The following CEP128 variants were observed in gnomAD, a reference collection of about 807,000 sequenced individuals.
CEP128 encodes the protein centrosomal protein 128kDa.
In CEP128, 132 loss-of-function variants were observed where a neutral mutation model predicts 156.7. That is an observed-to-expected ratio of 0.84 (90% CI 0.73 to 0.97). CEP128 has a LOEUF of 0.97. Among genes scored for constraint, CEP128 ranks in the 50% least tolerant of loss-of-function variants. CEP128 has a pLI of 0.00. For synonymous variants in CEP128, 469 were observed against 448.9 expected (o/e 1.04, Z -0.57); for missense variants, 1,252 against 1,281.9 (o/e 0.98, Z 0.36).
At chr14:80,584,744 G>A (rs560966553) in intron 19 of CEP128, among the ~76,000 whole-genome samples, 4 of 152,310 alleles carry the variant, frequency 2.6e-5, no homozygotes, top group East Asian at 3.9e-4. Context: ...TGATAACAGC[G>A]TGATTAGTAT....
intron 19 of CEP128, among the ~76,000 whole-genome samples, chr14:80,639,798 G>A (rs1030629130): frequency 9.9e-5 from 15 of 152,110 alleles, no homozygotes; most frequent in African/African-American, 3.4e-4. Flanking sequence ...ATCTTAAATG[G>A]AGCAACAGTT....
rs549569300 is a variant in CEP128 at position 80,851,373 on chromosome 14, C to T, written c.763-10605G>A. ...GAACTGAAGGGGCGATTTTAGAAGGCGAGGAGGAACGGGAAAGTTTTCCCT... is the reference window on the plus strand; with the variant it reads ...GAACTGAAGGGGCGATTTTAGAAGGTGAGGAGGAACGGGAAAGTTTTCCCT... On this transcript the variant is annotated intron_variant, in intron 9 of 24. Coordinates refer to ENST00000555265, the MANE Select transcript of CEP128 (RefSeq NM_152446.5). 6.1e-4 allele frequency among the ~76,000 whole-genome samples: 93 copies of T among 151,948 alleles called. 1 individual carries two copies. The highest frequency in any genetic ancestry group is 9.3e-4 in the Non-Finnish European group (63 of 67,960).
chr14:80,529,488 G>A (rs966750944), intron 22 of CEP128, among the ~76,000 whole-genome samples: 3 of 152,152 alleles, frequency 2.0e-5, no homozygotes, highest in African/African-American at 7.2e-5. Context: ...TCTGTTCATT[G>A]TAGACAACTG....
intron 19 of CEP128, among the ~76,000 whole-genome samples, chr14:80,586,835 G>T (rs1030463510): frequency 6.6e-6 from 1 of 152,120 alleles, no homozygotes; most frequent in Non-Finnish European, 1.5e-5. Context: ...ATGAATGACA[G>T]TTTCTCAGCT....
At chr14:80,778,861 TA>T (rs1900945274) in intron 15 of CEP128, among the ~76,000 whole-genome samples, 1 of 152,232 alleles carries the variant, frequency 6.6e-6, no homozygotes, top group South Asian at 2.1e-4. Flanking sequence ...CTTTTCTGTA[TA>T]CAGTTTTTCC....
intron 8 of CEP128, among the ~76,000 whole-genome samples, chr14:80,871,915 AAT>A (rs1341450863): frequency 6.6e-6 from 1 of 152,136 alleles, no homozygotes; most frequent in African/African-American, 2.4e-5. Context: ...CTCGCTTTTC[AAT>A]ATGTTGATTC....
intron 19 of CEP128, among the ~76,000 whole-genome samples, chr14:80,591,304 T>C (rs1330307045): frequency 6.7e-6 from 1 of 150,372 alleles, no homozygotes; most frequent in Non-Finnish European, 1.5e-5. Context: ...AATAAAGGGA[T>C]GGAGGAATAT....
intron 19 of CEP128, among the ~76,000 whole-genome samples, chr14:80,704,166 G>A (rs1415493937): frequency 1.3e-5 from 2 of 151,882 alleles, no homozygotes; most frequent in African/African-American, 4.8e-5. Flanking sequence ...AAGCATCTCT[G>A]GGAAATAATT....
At chr14:80,483,810 C>T (rs571882894) in intron 14 of CEP128, among the ~76,000 whole-genome samples, 4 of 152,122 alleles carry the variant, frequency 2.6e-5, no homozygotes, top group Non-Finnish European at 5.9e-5. Context: ...TTTGTAGAAG[C>T]TATACATAAT....
rs138639415 is a variant in CEP128, at chr14:80,687,447, C to T, written c.2806+55628G>A. ...GCCCTTTGAAGCAACATGGAAGCAG[C>T]TAAAGGCCATTATCCTAAGCATATT... is the stretch of plus-strand genomic sequence containing the variant. On this transcript the variant is annotated intron_variant, in intron 19 of 24. Transcript: ENST00000555265. Among the ~76,000 whole-genome samples, 420 of 152,168 alleles carry T rather than the reference C, an allele frequency of 2.8e-3. 1 individual carries two copies. The highest frequency in any genetic ancestry group is 0.02 in the Middle Eastern group (6 of 294).
At chr14:80,862,344 G>C (rs1201517756) in intron 9 of CEP128, among the ~76,000 whole-genome samples, 1 of 152,192 alleles carries the variant, frequency 6.6e-6, no homozygotes, top group Non-Finnish European at 1.5e-5. Context: ...TGACCTGTGA[G>C]CCACAGTTTG....
Position 80,526,910 on chromosome 14 carries a change from G to A in CEP128, c.3031C>T (p.His1011Tyr), listed in dbSNP as rs1888996058. 9 of 1,610,906 alleles carry A rather than the reference G, an allele frequency of 5.6e-6. No homozygotes were observed. Among genetic ancestry groups the A allele is most frequent in the Non-Finnish European group, 7.6e-6 (9 of 1,178,078 alleles). Residue 1011 changes from histidine (H) to tyrosine (Y), a missense_variant, in exon 23 of 25, where the codon CAT becomes TAT. Transcript: ENST00000555265. ...KYRVRRNSLQHHQDDTKYRTK... is the reference protein window; with the variant it reads ...KYRVRRNSLQYHQDDTKYRTK... Reference sequence around the variant, plus strand: ...CTGTACTTGGTGTCATCTTGGTGATGCTGAAGAGAATTTCTGCGAACCCTG... The same window carrying A: ...CTGTACTTGGTGTCATCTTGGTGATACTGAAGAGAATTTCTGCGAACCCTG...
Position 80,740,496 on chromosome 14 carries a change from A to AGATAGATAGATAGAT in CEP128, c.2806+2564_2806+2578dup, listed in dbSNP as rs1346599115. Among the ~76,000 whole-genome samples the AGATAGATAGATAGAT allele has an allele frequency of 7.9e-3, 357 of 45,348 alleles. 1 individual carries two copies. The highest frequency in any genetic ancestry group is 0.028 in the African/African-American group (328 of 11,778). The allele number at this position is 45,348 out of a possible 152,430, so 29.8% of individuals were successfully genotyped here. A position where few individuals can be genotyped will look rare whatever the true frequency, so the allele number is the denominator to read the frequency against. On this transcript the variant is annotated intron_variant, in intron 19 of 24. Coordinates refer to ENST00000555265, the MANE Select transcript of CEP128 (RefSeq NM_152446.5). ...CACACACAGATTCATATTTATATCTAGATAGATAGATAGATAGATAGATAG... is the reference window on the plus strand; with the variant it reads ...CACACACAGATTCATATTTATATCTAGATAGATAGATAGATGATAGATAGATAGATAGATAGATAG...
chr14:80,609,687 T>G (rs1285305291), intron 19 of CEP128, among the ~76,000 whole-genome samples: 3 of 152,124 alleles, frequency 2.0e-5, no homozygotes, highest in Non-Finnish European at 4.4e-5. Context: ...AGAGTTAACC[T>G]CAATGTAAAC....
intron 2 of CEP128, among the ~76,000 whole-genome samples, chr14:80,932,184 G>A (rs923224519): frequency 1.3e-5 from 2 of 152,168 alleles, no homozygotes; most frequent in African/African-American, 2.4e-5. Context: ...TGAGGCCTCC[G>A]CAGCCATGCG....
rs183491087 is a variant in CEP128, at chr14:80,879,410, G to A, written c.645+16308C>T. 6.6e-4 allele frequency among the ~76,000 whole-genome samples: 101 copies of A among 152,122 alleles called. 1 individual carries two copies. The highest frequency in any genetic ancestry group is 3.4e-3 in the Middle Eastern group (1 of 294). ...AAAATAATACTCTAAAAACTCCAAT[G>A]AGATGCAAGAAAATACAAATAGACA... On this transcript the variant is annotated intron_variant, in intron 8 of 24. Transcript: ENST00000555265.
rs139643690 is a variant in CEP128, at chr14:80,823,889, C to T, written c.1209+7254G>A. On this transcript the variant is annotated intron_variant, in intron 13 of 24. Coordinates refer to ENST00000555265, the MANE Select transcript of CEP128 (RefSeq NM_152446.5). ...GCAGTGCCCCAGTAGGGACAATGTG[C>T]GGGGATTCCAACCCCACATTTCCCT... Among the ~76,000 whole-genome samples, 1,122 of 152,340 alleles carry T rather than the reference C, an allele frequency of 7.4e-3. 9 individuals carry two copies. The highest frequency in any genetic ancestry group is 0.011 in the Non-Finnish European group (765 of 68,042).
At chr14:80,591,370 T>C (rs1892059884) in intron 19 of CEP128, among the ~76,000 whole-genome samples, 1 of 151,422 alleles carries the variant, frequency 6.6e-6, no homozygotes, top group Non-Finnish European at 1.5e-5. Context: ...TAGTCTCTGA[T>C]AAAATAGACT....
rs534441408 is a variant in CEP128 at position 80,657,075 on chromosome 14, T to C, written c.2807-76652A>G. 3.7e-4 allele frequency among the ~76,000 whole-genome samples: 56 copies of C among 152,014 alleles called. No individual in the cohort carries two copies. The East Asian group carries it at 0.011, about 30-fold the overall frequency. ...GTGTTCAAGACCAGCCTGGCCAAGA[T>C]GGTGAAACCCCGTCACTACTAAAAA... On this transcript the variant is annotated intron_variant, in intron 19 of 24. Coordinates refer to ENST00000555265, the MANE Select transcript of CEP128 (RefSeq NM_152446.5).
Sources: allele counts gnomAD v4.1 joint callset (sites outside exome capture counted in the v4.1 genomes callset), GRCh38; gene constraint gnomAD v4.1.1; transcripts MANE v1.5; gene names NCBI Gene and HGNC (gene_info 2026-07-23, HGNC 2026-07-21).